ZNF322: variants seen among roughly 807,000 people sequenced by gnomAD.
ZNF322 encodes HLA complex group 12.
A neutral mutation model predicts 18.3 loss-of-function variants in ZNF322; 1 was observed. That is an observed-to-expected ratio of 0.05 (90% CI 0.02 to 0.26). ZNF322 has a LOEUF of 0.26. ZNF322 is among the 10% of genes least tolerant of loss of function. The pLI, the probability that ZNF322 is intolerant of heterozygous loss-of-function variation, is 1.00. For missense variants in ZNF322, 36 were observed against 403.6 expected (o/e 0.09, Z 7.80); for synonymous variants, 17 against 130.7 (o/e 0.13, Z 5.93).
chr6:26,655,213 T>C (rs1215750026), intron 2 of ZNF322, among the ~76,000 whole-genome samples: 1 of 152,196 alleles, frequency 6.6e-6, no homozygotes, highest in Non-Finnish European at 1.5e-5. Flanking sequence ...ACAGAAAACA[T>C]TTTTTTCTTT....
intron 2 of ZNF322, among the ~76,000 whole-genome samples, 161 bp downstream of exon 2, chr6:26,658,397 T>C (rs1765819276): frequency 6.6e-6 from 1 of 151,548 alleles, no homozygotes; most frequent in Non-Finnish European, 1.5e-5. Context: ...CTTAAGTTGG[T>C]AGGATAGGGC....
At chr6:26,643,822 C>G (rs1765508606) in intron 2 of ZNF322, 94 bp from the exon 3 acceptor site, 1 of 152,288 alleles carries the variant, frequency 6.6e-6, no homozygotes, top group African/African-American at 2.4e-5. Context: ...GGGTAAACTA[C>G]AGTTAAAAAG....
At chr6:26,656,785 T>C (rs1339792199) in intron 2 of ZNF322, among the ~76,000 whole-genome samples, 2 of 151,994 alleles carry the variant, frequency 1.3e-5, no homozygotes, top group African/African-American at 4.8e-5. Flanking sequence ...CATTATTCCC[T>C]AAAGTTATCA....
At chr6:26,652,257 CCA>C (rs1765684148) in intron 2 of ZNF322, among the ~76,000 whole-genome samples, 1 of 152,152 alleles carries the variant, frequency 6.6e-6, no homozygotes, top group Non-Finnish European at 1.5e-5. Context: ...AGAAGACAAG[CCA>C]CAGACTGGGA....
At chr6:26,645,540 C>A (rs1765541817) in intron 2 of ZNF322, among the ~76,000 whole-genome samples, 1 of 151,940 alleles carries the variant, frequency 6.6e-6, no homozygotes, top group African/African-American at 2.4e-5. Flanking sequence ...AGTCTTGGAC[C>A]ATATCCCCCA....
intron 3 of ZNF322, among the ~76,000 whole-genome samples, chr6:26,639,302 A>G (rs571801842): frequency 4.6e-5 from 7 of 152,306 alleles, no homozygotes; most frequent in South Asian, 4.1e-4. Flanking sequence ...TCTCCTGGTA[A>G]GCCCTCTGTT....
chr6:26,649,660 TGTGTGTG>T (rs1765619969), intron 2 of ZNF322, among the ~76,000 whole-genome samples: 1 of 45,656 alleles, frequency 2.2e-5, no homozygotes, highest in Non-Finnish European at 4.4e-5. Context: ...TGTGTGTGTG[TGTGTGTG>T]TGTGTGTGTA....
chr6:26,639,384 A>C (rs1301881664), intron 3 of ZNF322, among the ~76,000 whole-genome samples: 1 of 152,212 alleles, frequency 6.6e-6, no homozygotes, highest in Non-Finnish European at 1.5e-5. Flanking sequence ...ATATAAGCAC[A>C]TAACTTGCTC....
chr6:26,651,833 C>A (rs1257805643), intron 2 of ZNF322, among the ~76,000 whole-genome samples: 3 of 152,076 alleles, frequency 2.0e-5, no homozygotes, highest in Non-Finnish European at 4.4e-5. Flanking sequence ...TCGGGTATAG[C>A]AATGACTTTA....
intron 2 of ZNF322, among the ~76,000 whole-genome samples, chr6:26,653,770 G>A (rs1231273894): frequency 6.6e-6 from 1 of 152,130 alleles, no homozygotes; most frequent in African/African-American, 2.4e-5. Flanking sequence ...AACAGAATTG[G>A]GTGGAGGAGA....
chr6:26,643,615 A>G (rs1178159938), intron 3 of ZNF322, 44 bp downstream of exon 3: 3 of 155,588 alleles, frequency 1.9e-5, no homozygotes, highest in Non-Finnish European at 4.4e-5. Context: ...GGAGTCTGGG[A>G]AAGAGAAGGG....
Position 26,643,297 on chromosome 6 carries a change from A to G in ZNF322, c.-176+362T>C, listed in dbSNP as rs75726423. Among the ~76,000 whole-genome samples the G allele has an allele frequency of 1.2e-3, 182 of 152,334 alleles. 1 individual carries two copies. Among genetic ancestry groups the G allele is most frequent in the East Asian group, 7.5e-3 (39 of 5,188 alleles). On this transcript the variant is annotated intron_variant, in intron 3 of 3. Coordinates refer to ENST00000415922, the MANE Select transcript of ZNF322 (RefSeq NM_024639.5). ...AAGGCCTTTCCTAACCACTCTGTTT[A>G]AAGTTGTGAATAGTCTTCATGCCCC...
intron 2 of ZNF322, among the ~76,000 whole-genome samples, chr6:26,648,270 T>C (rs1765591659): frequency 6.6e-6 from 1 of 152,144 alleles, no homozygotes; most frequent in South Asian, 2.1e-4. Flanking sequence ...CAACATCTAT[T>C]CTGGATAAAA....
At chr6:26,647,297 C>A (rs1189058297) in intron 2 of ZNF322, among the ~76,000 whole-genome samples, 4 of 151,130 alleles carry the variant, frequency 2.6e-5, no homozygotes, top group African/African-American at 4.9e-5. Context: ...GAAAAAAAAT[C>A]AAAATAATAA....
chr6:26,646,862 C>G (rs1023992585), intron 2 of ZNF322, among the ~76,000 whole-genome samples: 1 of 151,934 alleles, frequency 6.6e-6, no homozygotes, highest in East Asian at 1.9e-4. Context: ...AAGGTCCTTT[C>G]AAATGGGGGG....
intron 2 of ZNF322, among the ~76,000 whole-genome samples, chr6:26,653,288 A>G (rs1765706422): frequency 1.3e-5 from 2 of 152,338 alleles, no homozygotes; most frequent in South Asian, 4.1e-4. Context: ...GCATATGGGT[A>G]CAATCTCGTC....
intron 2 of ZNF322, among the ~76,000 whole-genome samples, chr6:26,649,436 T>C (rs1457535865): frequency 6.6e-6 from 1 of 151,956 alleles, no homozygotes; most frequent in Non-Finnish European, 1.5e-5. Context: ...CAATTTGGTC[T>C]ACACTTCATA....
At chr6:26,647,774 C>T (rs537527977) in intron 2 of ZNF322, among the ~76,000 whole-genome samples, 5 of 151,866 alleles carry the variant, frequency 3.3e-5, no homozygotes, top group South Asian at 2.1e-4. Context: ...TCCAGAGCAC[C>T]GAAAATGAAG....
intron 2 of ZNF322, among the ~76,000 whole-genome samples, chr6:26,655,754 C>T (rs138401372): frequency 6.6e-5 from 10 of 152,244 alleles, no homozygotes; most frequent in Admixed American, 1.3e-4. Flanking sequence ...TTTCAGGAGT[C>T]GGTTCCTCAC....
Sources: allele counts gnomAD v4.1 joint callset (sites outside exome capture counted in the v4.1 genomes callset), GRCh38; gene constraint gnomAD v4.1.1; transcripts MANE v1.5; gene names NCBI Gene and HGNC (gene_info 2026-07-23, HGNC 2026-07-21).